EXPH5: variants seen among roughly 807,000 people sequenced by gnomAD.
The protein encoded by EXPH5 is exophilin 5, also known as exophilin-5.
EXPH5 carries 42 observed loss-of-function variants against 41.1 expected under a neutral mutation model. The observed-to-expected ratio is 1.02, with a 90% CI of 0.80 to 1.32. EXPH5 has a LOEUF of 1.32. Among genes scored for constraint, EXPH5 ranks in the 40% most tolerant of loss-of-function variants. The pLI, the probability that EXPH5 is intolerant of heterozygous loss-of-function variation, is 0.00. For missense variants in EXPH5, 2,298 were observed against 2,314.5 expected (o/e 0.99, Z 0.15); for synonymous variants, 798 against 833.5 (o/e 0.96, Z 0.73).
intron 1 of EXPH5, 58 bp from the exon 2 acceptor site, chr11:108,541,870 T>C (rs1206164119): frequency 7.3e-7 from 1 of 1,373,826 alleles, no homozygotes; most frequent in Non-Finnish European, 9.8e-7. Flanking sequence ...ATCAAGCTCA[T>C]CCTTAAATCA....
At chr11:108,522,885 ATT>A (rs373012016) in intron 4 of EXPH5, among the ~76,000 whole-genome samples, 16 of 145,994 alleles carry the variant, frequency 1.1e-4, no homozygotes, top group African/African-American at 3.7e-4. Context: ...ATCCTTTCCA[ATT>A]TTTTTTTTTT....
intron 1 of EXPH5, among the ~76,000 whole-genome samples, chr11:108,588,939 C>T (rs915376066): frequency 6.6e-6 from 1 of 152,136 alleles, no homozygotes; most frequent in African/African-American, 2.4e-5. Flanking sequence ...AAGGAATTAA[C>T]TAAATTGGAT....
intron 1 of EXPH5, among the ~76,000 whole-genome samples, chr11:108,570,438 A>G (rs2640752): frequency 0.52 from 78,711 of 151,476 alleles, 20,870 homozygotes; most frequent in African/African-American, 0.61. Context: ...TATTTTTAGT[A>G]GAGATGGGGT....
chr11:108,536,813 A>G (rs910245999), intron 3 of EXPH5, among the ~76,000 whole-genome samples: 19 of 152,178 alleles, frequency 1.2e-4, no homozygotes, highest in African/African-American at 4.6e-4. Context: ...GCACGTTTTA[A>G]AGTGCTGATC....
chr11:108,559,130 T>A (rs193164399), intron 1 of EXPH5, among the ~76,000 whole-genome samples: 5 of 152,208 alleles, frequency 3.3e-5, no homozygotes, highest in Non-Finnish European at 7.3e-5. Context: ...GTCTCTGTAC[T>A]TTTTTTGCAT....
chr11:108,518,346 C>T lies in EXPH5; in HGVS notation c.520G>A (p.Glu174Lys). 6.2e-7 allele frequency: 1 copy of T among 1,613,908 alleles called. No homozygotes were observed. The highest frequency in any genetic ancestry group is 8.5e-7 in the Non-Finnish European group (1 of 1,179,918). The change falls in exon 5 of 6, where the codon GAA becomes AAA. Residue 174 changes from glutamate (E) to lysine (K), a missense_variant. Physicochemically the swap from Glu to Lys is moderately conservative, Grantham distance 56 (BLOSUM62 1). Transcript: ENST00000265843. Reference sequence around the variant, plus strand: ...AATGTACTGTCAACTAGATGATTTTCCAGAGGTGAATTGTATATTTTTGCC... The same window carrying T: ...AATGTACTGTCAACTAGATGATTTTTCAGAGGTGAATTGTATATTTTTGCC... ...VQAKIYNSPL[E>K]NHLVDSTFVP...
At chr11:108,596,339 G>A (rs1411570631), upstream of EXPH5, among the ~76,000 whole-genome samples, 1 of 152,158 alleles carries the variant, frequency 6.6e-6, no homozygotes, top group Non-Finnish European at 1.5e-5. Context: ...ATGTAAGTGA[G>A]AGTAGAAAAA....
chr11:108,528,089 T>C, intron 4 of EXPH5, 47 bp downstream of exon 4: 2 of 1,304,012 alleles, frequency 1.5e-6, no homozygotes, highest in East Asian at 2.3e-5. Context: ...TGGGATTACA[T>C]AAATTCTGAA....
intron 4 of EXPH5, among the ~76,000 whole-genome samples, chr11:108,524,887 A>C (rs1214433557): frequency 2.0e-5 from 3 of 152,134 alleles, no homozygotes; most frequent in African/African-American, 7.2e-5. Flanking sequence ...GGCAGTGGGG[A>C]TACACAGCCT....
chr11:108,536,072 T>C (rs928838548), intron 3 of EXPH5, among the ~76,000 whole-genome samples: 3 of 152,254 alleles, frequency 2.0e-5, no homozygotes. Context: ...GAAAGCTACA[T>C]GTACATATGT....
intron 1 of EXPH5, among the ~76,000 whole-genome samples, chr11:108,578,562 T>G (rs1029663001): frequency 3.3e-5 from 5 of 152,330 alleles, no homozygotes; most frequent in African/African-American, 1.2e-4. Flanking sequence ...TTTCTATTTC[T>G]GTGAAGAATT....
chr11:108,563,391 T>C (rs1162483748), intron 1 of EXPH5, among the ~76,000 whole-genome samples: 2 of 152,164 alleles, frequency 1.3e-5, no homozygotes, highest in African/African-American at 4.8e-5. Flanking sequence ...TGAGGAGGCA[T>C]GGGGTTCTCT....
chr11:108,537,882 A>T, intron 3 of EXPH5: 1 of 675,950 alleles, frequency 1.5e-6, no homozygotes, highest in South Asian at 6.6e-5. Flanking sequence ...TTACTGGGCA[A>T]GAAACACTTC....
chr11:108,516,071 C>CAA (rs35633613), intron 5 of EXPH5, among the ~76,000 whole-genome samples: 1,349 of 84,702 alleles, frequency 0.016, 17 homozygotes, highest in African/African-American at 0.025. Flanking sequence ...GACTCCGTCT[C>CAA]AAAAAAAAAA....
intron 3 of EXPH5, among the ~76,000 whole-genome samples, chr11:108,528,734 T>TCA (rs1591694810): frequency 6.9e-6 from 1 of 145,060 alleles, no homozygotes; most frequent in East Asian, 2.0e-4. Context: ...GGAGTTTTGC[T>TCA]CTTTGTCGCC....
In EXPH5 at chr11:108,510,111, C is replaced by T. The variant is rs749754134; in HGVS notation, c.5396G>A (p.Ser1799Asn). 23 of 1,613,474 alleles carry T rather than the reference C, an allele frequency of 1.4e-5. No homozygotes were observed. The highest frequency in any genetic ancestry group is 6.7e-5 in the East Asian group (3 of 44,896). Reference sequence around the variant, plus strand: ...TAGTAGATCGCCATGAACATTAATGCTTTTTAAACTCTTTGAACGATAGAG... The same window carrying T: ...TAGTAGATCGCCATGAACATTAATGTTTTTTAAACTCTTTGAACGATAGAG... ...PHLYRSKSLK[S>N]INVHGDLLRK... is the part of the protein sequence containing the mutation. The change falls in exon 6 of 6, where the codon AGC (serine) becomes AAC (asparagine). Residue 1799 changes from serine to asparagine, a missense_variant. By Grantham distance (46) the Ser-to-Asn change is conservative. Coordinates refer to ENST00000265843, the MANE Select transcript of EXPH5 (RefSeq NM_015065.3).
chr11:108,534,777 C>G (rs1307928093), intron 3 of EXPH5, among the ~76,000 whole-genome samples: 1 of 152,190 alleles, frequency 6.6e-6, no homozygotes. Context: ...CACATGGCAT[C>G]CCTGTGTGAA....
At position 108,517,286 on chromosome 11, in the gene EXPH5, C is replaced by G. The variant is rs140961743; in HGVS notation, c.631+949G>C. ...ATTATTTTTTCATTATTTTTTCATT[C>G]CATAAACAGTAGCTCTCCTCTTTCA... On this transcript the variant is annotated intron_variant, in intron 5 of 5. Coordinates refer to ENST00000265843, the MANE Select transcript of EXPH5 (RefSeq NM_015065.3). Among the ~76,000 whole-genome samples the G allele has an allele frequency of 2.6e-5, 4 of 152,248 alleles. No homozygotes were observed. In the East Asian group the frequency reaches 7.7e-4, roughly 29 times the overall value.
In EXPH5 at chr11:108,511,573, C is replaced by T; in HGVS notation, c.3934G>A (p.Glu1312Lys). The T allele has an allele frequency of 6.2e-7, 1 of 1,613,276 alleles. No homozygotes were observed. Among genetic ancestry groups the T allele is most frequent in the Non-Finnish European group, 8.5e-7 (1 of 1,179,818 alleles). Residue 1312 changes from glutamate (E) to lysine (K), a missense_variant, in exon 6 of 6, where the codon GAA becomes AAA. Physicochemically the swap from Glu to Lys is moderately conservative, Grantham distance 56. Coordinates refer to ENST00000265843, the MANE Select transcript of EXPH5 (RefSeq NM_015065.3). ...TREQSGTPSCENLKMSVNSDQ... is the reference protein window; with the variant it reads ...TREQSGTPSCKNLKMSVNSDQ... ...GAGTTGACGGACATCTTTAGATTTT[C>T]ACATGAAGGTGTTCCTGACTGCTCT...
Sources: gnomAD v4.1 joint callset for allele counts (sites outside exome capture counted in the v4.1 genomes callset) on GRCh38, gnomAD v4.1.1 for gene constraint, MANE v1.5 for transcripts, NCBI Gene and HGNC (gene_info 2026-07-23, HGNC 2026-07-21) for gene names.